Variants in RAB38 observed in about 807,000 individuals in gnomAD.
RAB38 encodes the protein RAB38, member RAS oncogene family.
A neutral mutation model predicts 18.4 loss-of-function variants in RAB38; 15 were observed. The ratio of observed to expected loss-of-function variants is 0.82; its 90% CI spans 0.55 to 1.26. RAB38 has a LOEUF of 1.26. Ranked by LOEUF, RAB38 falls within the 50% of genes most tolerant of loss-of-function variation. The pLI is 0.00. For synonymous variants in RAB38, 101 were observed against 104.4 expected, an observed-to-expected ratio of 0.97 and a Z score of 0.20; for missense variants, 294 against 267.4, an observed-to-expected ratio of 1.10 and a Z score of -0.69.
chr11:88,089,737 C>T, the RAB38 span, among the ~76,000 whole-genome samples: 1 of 151,910 alleles, frequency 6.6e-6, no homozygotes, highest in African/African-American at 2.4e-5. Context: ...ATATTTTTCC[C>T]CGTACAAAGT....
At chr11:88,031,302 C>T in the RAB38 span, among the ~76,000 whole-genome samples, 3 of 150,348 alleles carry the variant, frequency 2.0e-5, no homozygotes, top group Non-Finnish European at 4.5e-5. Context: ...GGAAGCATTC[C>T]CTTTGAAAAC....
chr11:87,855,349 T>C, the RAB38 span, among the ~76,000 whole-genome samples: 1 of 152,180 alleles, frequency 6.6e-6, no homozygotes, highest in Non-Finnish European at 1.5e-5. Context: ...TGATCTCCTT[T>C]TCTTCAATAA....
chr11:87,886,539 A>G, the RAB38 span, among the ~76,000 whole-genome samples: 1 of 151,978 alleles, frequency 6.6e-6, no homozygotes, highest in Non-Finnish European at 1.5e-5. Context: ...AGGATTTACC[A>G]GCACACTAGC....
At chr11:87,806,741 C>A in the RAB38 span, among the ~76,000 whole-genome samples, 4 of 151,944 alleles carry the variant, frequency 2.6e-5, no homozygotes, top group African/African-American at 9.7e-5. Context: ...TAAATCAAGA[C>A]AAGTATTTTA....
At chr11:87,832,384 C>T in the RAB38 span, among the ~76,000 whole-genome samples, 2 of 152,068 alleles carry the variant, frequency 1.3e-5, no homozygotes, top group South Asian at 2.1e-4. Flanking sequence ...AAGTCCGGAC[C>T]GGCTCAACTG....
chr11:88,124,156 C>CT (rs1249813260), intron 2 of RAB38, among the ~76,000 whole-genome samples: 2 of 152,196 alleles, frequency 1.3e-5, no homozygotes, highest in Non-Finnish European at 2.9e-5. Context: ...ATTTTAGTCA[C>CT]TTTTTGTATT....
the RAB38 span, among the ~76,000 whole-genome samples, chr11:87,805,676 CATGT>C: frequency 1.3e-5 from 2 of 151,346 alleles, no homozygotes; most frequent in Non-Finnish European, 2.9e-5. Context: ...TATATACATG[CATGT>C]GTGTATATAC....
intron 2 of RAB38, among the ~76,000 whole-genome samples, chr11:88,145,509 AT>A: frequency 6.6e-6 from 1 of 152,222 alleles, no homozygotes; most frequent in South Asian, 2.1e-4. Context: ...TACAGAGTGA[AT>A]TCAAAAACAG....
the RAB38 span, among the ~76,000 whole-genome samples, chr11:88,077,013 G>GAAAAC: frequency 9.3e-6 from 1 of 107,292 alleles, no homozygotes; most frequent in Admixed American, 9.4e-5. Context: ...GAAAAGAAAA[G>GAAAAC]AAAAGAAAAG....
the RAB38 span, among the ~76,000 whole-genome samples, chr11:87,908,484 T>C: frequency 6.6e-6 from 1 of 152,166 alleles, no homozygotes; most frequent in South Asian, 2.1e-4. Context: ...ATTAAATTGA[T>C]GTTCAACAGA....
chr11:87,961,085 T>A, the RAB38 span, among the ~76,000 whole-genome samples: 1 of 152,124 alleles, frequency 6.6e-6, no homozygotes, highest in Non-Finnish European at 1.5e-5. Flanking sequence ...CCTATTAGAA[T>A]AAAATAAAAT....
chr11:88,019,127 CCTAA>C, the RAB38 span, among the ~76,000 whole-genome samples: 1 of 151,982 alleles, frequency 6.6e-6, no homozygotes, highest in Non-Finnish European at 1.5e-5. Context: ...ATACTCTTTT[CCTAA>C]CTGATTTCCA....
At chr11:87,826,456 T>C in the RAB38 span, among the ~76,000 whole-genome samples, 1 of 152,162 alleles carries the variant, frequency 6.6e-6, no homozygotes, top group Non-Finnish European at 1.5e-5. Flanking sequence ...GTGATTTTAC[T>C]GTGACATTGC....
the RAB38 span, among the ~76,000 whole-genome samples, chr11:88,082,572 G>T: frequency 6.6e-6 from 1 of 151,854 alleles, no homozygotes; most frequent in African/African-American, 2.4e-5. Context: ...TCAAGAAAGA[G>T]CAACACGACT....
chr11:87,876,388 C>T, the RAB38 span, among the ~76,000 whole-genome samples: 3 of 151,554 alleles, frequency 2.0e-5, no homozygotes, highest in Admixed American at 6.6e-5. Context: ...GGACAAGTGT[C>T]GTGGTCCAAA....
At chr11:88,084,102 C>T in the RAB38 span, among the ~76,000 whole-genome samples, 1 of 151,662 alleles carries the variant, frequency 6.6e-6, no homozygotes. Context: ...GAGGAAGGTG[C>T]AGAGGAAGTA....
the RAB38 span, among the ~76,000 whole-genome samples, chr11:88,043,672 A>T: frequency 7.2e-6 from 1 of 139,002 alleles, no homozygotes; most frequent in Non-Finnish European, 1.5e-5. Context: ...CAAATCTTAT[A>T]AAATGTCCCC....
the RAB38 span, among the ~76,000 whole-genome samples, chr11:87,810,101 A>AT: frequency 1.3e-5 from 2 of 152,058 alleles, no homozygotes; most frequent in Admixed American, 1.3e-4. Flanking sequence ...GTCTATTATC[A>AT]TACAGACACA....
chr11:87,803,733 T>A, the RAB38 span, among the ~76,000 whole-genome samples: 48 of 152,320 alleles, frequency 3.2e-4, 1 homozygote, highest in Middle Eastern at 3.4e-3. Flanking sequence ...CCTGTGAAAC[T>A]ACAAAACAAG....
Sources: allele counts gnomAD v4.1 joint callset (sites outside exome capture counted in the v4.1 genomes callset), GRCh38; gene constraint gnomAD v4.1.1; transcripts MANE v1.5; gene names NCBI Gene and HGNC (gene_info 2026-07-23, HGNC 2026-07-21).